The following ARB2A variants were observed in gnomAD, a reference collection of about 807,000 sequenced individuals.
ARB2A encodes ARB2 cotranscriptional regulator A.
the ARB2A span, among the ~76,000 whole-genome samples, chr5:93,844,638 T>C: frequency 6.6e-6 from 1 of 151,888 alleles, no homozygotes; most frequent in African/African-American, 2.4e-5. Flanking sequence ...AGACATGAAG[T>C]ATGGAAAACA....
chr5:93,964,549 A>G, the ARB2A span: 2 of 1,500,126 alleles, frequency 1.3e-6, no homozygotes, highest in Non-Finnish European at 1.8e-6. Flanking sequence ...ATAACACATT[A>G]AGATCCAATG....
chr5:94,097,018 A>G, the ARB2A span, among the ~76,000 whole-genome samples: 1 of 152,030 alleles, frequency 6.6e-6, no homozygotes, highest in African/African-American at 2.4e-5. Context: ...CTGCTTGGAG[A>G]AGTGGCAGGG....
the ARB2A span, among the ~76,000 whole-genome samples, chr5:93,839,358 C>G: frequency 2.0e-5 from 3 of 152,200 alleles, no homozygotes; most frequent in Non-Finnish European, 4.4e-5. Context: ...ATATGTTGAA[C>G]CAATCTTATG....
chr5:94,103,704 C>G, the ARB2A span, among the ~76,000 whole-genome samples: 1 of 150,556 alleles, frequency 6.6e-6, no homozygotes, highest in Non-Finnish European at 1.5e-5. Flanking sequence ...CTGCACTCAA[C>G]TACAACAGAA....
At chr5:93,733,823 TA>T in the ARB2A span, 1 of 152,208 alleles carries the variant, frequency 6.6e-6, no homozygotes, top group African/African-American at 2.4e-5. Context: ...GTTTTCACTT[TA>T]AAAACACAGT....
At chr5:93,933,795 G>A in the ARB2A span, among the ~76,000 whole-genome samples, 1 of 151,946 alleles carries the variant, frequency 6.6e-6, no homozygotes, top group Non-Finnish European at 1.5e-5. Context: ...AGAGCTTAAA[G>A]TATAATAATA....
At chr5:93,868,569 G>T in the ARB2A span, among the ~76,000 whole-genome samples, 17 of 152,280 alleles carry the variant, frequency 1.1e-4, no homozygotes, top group African/African-American at 3.8e-4. Flanking sequence ...TGAAATCAGG[G>T]TGAGGATAAA....
chr5:93,994,266 A>C, the ARB2A span, among the ~76,000 whole-genome samples: 1 of 152,316 alleles, frequency 6.6e-6, no homozygotes, highest in South Asian at 2.1e-4. Context: ...AAATAACCTA[A>C]ATGTCCATCG....
chr5:93,675,005 CAT>C, the ARB2A span, among the ~76,000 whole-genome samples: 17 of 152,140 alleles, frequency 1.1e-4, no homozygotes, highest in Non-Finnish European at 1.5e-5. Flanking sequence ...TAATGATTAA[CAT>C]GTGAATACTG....
chr5:93,967,954 C>T, the ARB2A span, among the ~76,000 whole-genome samples: 1 of 151,948 alleles, frequency 6.6e-6, no homozygotes, highest in Non-Finnish European at 1.5e-5. Flanking sequence ...AAGAGTCAGG[C>T]CCTTTTTAAG....
At chr5:93,767,993 CAAAAAAAAAAAAAAA>C in the ARB2A span, among the ~76,000 whole-genome samples, 17 of 20,958 alleles carry the variant, frequency 8.1e-4, no homozygotes, top group African/African-American at 1.4e-3. Flanking sequence ...GACTCCATCT[CAAAAAAAAAAAAAAA>C]AAAAAAAAAA....
the ARB2A span, among the ~76,000 whole-genome samples, chr5:94,069,562 C>T: frequency 2.0e-5 from 3 of 152,010 alleles, no homozygotes; most frequent in African/African-American, 7.2e-5. Flanking sequence ...ATCCAGAATA[C>T]ACAAGGAAAT....
At chr5:94,058,552 T>A in the ARB2A span, among the ~76,000 whole-genome samples, 1 of 151,394 alleles carries the variant, frequency 6.6e-6, no homozygotes, top group Non-Finnish European at 1.5e-5. Context: ...CATAAAAAAA[T>A]TCTATCTAAA....
At chr5:93,724,357 G>A in the ARB2A span, among the ~76,000 whole-genome samples, 19 of 152,018 alleles carry the variant, frequency 1.2e-4, no homozygotes, top group African/African-American at 4.6e-4. Flanking sequence ...TGAACTCTTT[G>A]GGGGAAACAA....
the ARB2A span, among the ~76,000 whole-genome samples, chr5:93,898,612 A>G: frequency 6.6e-6 from 1 of 152,028 alleles, no homozygotes; most frequent in Admixed American, 6.6e-5. Context: ...AAATCAACCA[A>G]ATTGCTAAGT....
At chr5:93,662,514 T>C in the ARB2A span, among the ~76,000 whole-genome samples, 1 of 152,216 alleles carries the variant, frequency 6.6e-6, no homozygotes, top group Admixed American at 6.5e-5. Flanking sequence ...ATACTTACAC[T>C]TAAATGTTAT....
At chr5:93,857,900 C>G in the ARB2A span, among the ~76,000 whole-genome samples, 4 of 152,200 alleles carry the variant, frequency 2.6e-5, no homozygotes, top group Admixed American at 1.3e-4. Flanking sequence ...GAGCTGTAGA[C>G]TGGAGCTGTT....
chr5:93,813,573 C>T, the ARB2A span, among the ~76,000 whole-genome samples: 3 of 152,182 alleles, frequency 2.0e-5, no homozygotes, highest in South Asian at 4.1e-4. Context: ...ATTAGCATGG[C>T]GTGAACCACA....
chr5:93,664,687 T>C, the ARB2A span, among the ~76,000 whole-genome samples: 1 of 150,308 alleles, frequency 6.7e-6, no homozygotes, highest in Non-Finnish European at 1.5e-5. Context: ...GTGACAAATA[T>C]ACATAATATG....
Sources: gnomAD v4.1 joint callset for allele counts (sites outside exome capture counted in the v4.1 genomes callset) on GRCh38, gnomAD v4.1.1 for gene constraint, MANE v1.5 for transcripts, NCBI Gene and HGNC (gene_info 2026-07-23, HGNC 2026-07-21) for gene names.